The following MAF variants were observed in gnomAD, a reference collection of about 807,000 sequenced individuals.
MAF encodes transcription factor Maf.
A neutral mutation model predicts 22.0 loss-of-function variants in MAF; 10 were observed. That is an observed-to-expected ratio of 0.45 (90% CI 0.28 to 0.77). The LOEUF (loss-of-function observed/expected upper bound fraction) is 0.77. Ranked by LOEUF, MAF falls within the 30% of genes least tolerant of loss-of-function variation. MAF has a pLI of 0.12. For missense variants in MAF, 544 were observed against 548.4 expected (o/e 0.99, Z 0.08); for synonymous variants, 337 against 255.8 (o/e 1.32, Z -3.03).
Position 79,599,279 on chromosome 16 carries a change from G to C in MAF, c.624C>G (p.Ala208=). The change falls in exon 1 of 2, where the codon GCC becomes GCG. Residue 208 remains alanine, a synonymous_variant. Transcript: ENST00000326043. ...CCGCGCCCCCAGCGCCACCGGCCGA[G>C]GCGGCCGCGCTGCCCGCGGCGCCGG... ...GAPGAAGSAA[A]SAGGAGGAGG... is the part of the protein sequence containing the mutation. The C allele has an allele frequency of 2.0e-6, 2 of 978,808 alleles. No individual in the cohort carries two copies. The highest frequency in any genetic ancestry group is 1.2e-6 in the Non-Finnish European group (1 of 827,454). The allele number at this position is 978,808 out of a possible 1,614,324, so 60.6% of individuals were successfully genotyped here. A position where few individuals can be genotyped will look rare whatever the true frequency, so the allele number is the denominator to read the frequency against.
the MAF span, among the ~76,000 whole-genome samples, chr16:79,474,104 G>T: frequency 6.6e-6 from 1 of 152,084 alleles, no homozygotes; most frequent in African/African-American, 2.4e-5. Flanking sequence ...GGGAGAGGAA[G>T]AAATGATGAG....
At chr16:79,346,755 A>G in the MAF span, among the ~76,000 whole-genome samples, 1 of 152,336 alleles carries the variant, frequency 6.6e-6, no homozygotes, top group Non-Finnish European at 1.5e-5. Flanking sequence ...ACTGAAAACA[A>G]CAAGAACTTG....
At chr16:79,536,846 A>G in the MAF span, among the ~76,000 whole-genome samples, 12 of 152,324 alleles carry the variant, frequency 7.9e-5, no homozygotes, top group Middle Eastern at 6.8e-3. Context: ...TGTAAGTTAT[A>G]TGCAAATCCT....
At chr16:79,292,505 G>T in the MAF span, among the ~76,000 whole-genome samples, 5 of 152,184 alleles carry the variant, frequency 3.3e-5, no homozygotes, top group Non-Finnish European at 7.3e-5. Flanking sequence ...CTCAGTTGTG[G>T]TACTTGGTTG....
chr16:79,472,048 G>C, the MAF span, among the ~76,000 whole-genome samples: 2 of 152,082 alleles, frequency 1.3e-5, no homozygotes, highest in Admixed American at 1.3e-4. Flanking sequence ...CTTGGCTTCA[G>C]CCTGACCTCT....
chr16:79,574,239 C>G, the MAF span, among the ~76,000 whole-genome samples: 35 of 152,312 alleles, frequency 2.3e-4, no homozygotes, highest in African/African-American at 7.9e-4. Flanking sequence ...AGTGTGCGAT[C>G]AAGTATCTTG....
At chr16:79,404,585 A>C in the MAF span, among the ~76,000 whole-genome samples, 1 of 152,196 alleles carries the variant, frequency 6.6e-6, no homozygotes, top group Non-Finnish European at 1.5e-5. Context: ...CCGCAGAGTC[A>C]ATGAATGACA....
chr16:79,548,435 C>G, the MAF span, among the ~76,000 whole-genome samples: 2 of 151,990 alleles, frequency 1.3e-5, no homozygotes, highest in Non-Finnish European at 2.9e-5. Flanking sequence ...TAAGATATAA[C>G]AAGGAAAAAA....
the MAF span, among the ~76,000 whole-genome samples, chr16:79,216,379 A>T: frequency 6.6e-6 from 1 of 152,262 alleles, no homozygotes; most frequent in South Asian, 2.1e-4. Context: ...ACATATATGT[A>T]TACAGATGAT....
the MAF span, among the ~76,000 whole-genome samples, chr16:79,388,773 T>A: frequency 6.6e-6 from 1 of 152,240 alleles, no homozygotes; most frequent in Non-Finnish European, 1.5e-5. Flanking sequence ...ATTAGCACCA[T>A]TGCATTAGCC....
At chr16:79,376,625 C>T in the MAF span, among the ~76,000 whole-genome samples, 10 of 152,042 alleles carry the variant, frequency 6.6e-5, no homozygotes, top group African/African-American at 2.4e-4. Flanking sequence ...TTGCTGCACC[C>T]ATTAACTCGT....
At chr16:79,597,977 C>A (rs1293299030) in intron 1 of MAF, 2 of 1,043,742 alleles carry the variant, frequency 1.9e-6, no homozygotes, top group Non-Finnish European at 2.3e-6. Flanking sequence ...CAAGTCACAC[C>A]CAGAAGGTTG....
At chr16:79,261,005 T>C in the MAF span, among the ~76,000 whole-genome samples, 11 of 152,088 alleles carry the variant, frequency 7.2e-5, no homozygotes, top group South Asian at 6.2e-4. Flanking sequence ...GGCTGTTCCA[T>C]TGGTCCAAGG....
At chr16:79,307,806 G>A in the MAF span, among the ~76,000 whole-genome samples, 7 of 152,304 alleles carry the variant, frequency 4.6e-5, no homozygotes, top group South Asian at 1.5e-3. Flanking sequence ...GTGCTAGAAT[G>A]ACAGTCACTG....
chr16:79,227,454 G>A, the MAF span, among the ~76,000 whole-genome samples: 23 of 152,242 alleles, frequency 1.5e-4, no homozygotes, highest in African/African-American at 3.9e-4. Flanking sequence ...GGCCAGGTCA[G>A]TATTCAACAA....
the MAF span, among the ~76,000 whole-genome samples, chr16:79,561,018 G>A: frequency 7.2e-5 from 11 of 152,278 alleles, no homozygotes; most frequent in African/African-American, 2.4e-4. Flanking sequence ...CTGTCCTGCC[G>A]TCTACAGCTG....
chr16:79,491,123 G>C, the MAF span, among the ~76,000 whole-genome samples: 1 of 152,192 alleles, frequency 6.6e-6, no homozygotes, highest in Non-Finnish European at 1.5e-5. Flanking sequence ...TTCGAGATAG[G>C]ATGGGGTTAT....
chr16:79,232,953 G>A, the MAF span, among the ~76,000 whole-genome samples: 1 of 147,918 alleles, frequency 6.8e-6, no homozygotes, highest in Admixed American at 7.0e-5. Flanking sequence ...CCATTCTCCT[G>A]CCTCAGCCTC....
chr16:79,413,728 C>T, the MAF span, among the ~76,000 whole-genome samples: 2 of 152,126 alleles, frequency 1.3e-5, no homozygotes, highest in Non-Finnish European at 2.9e-5. Flanking sequence ...AGGAAATACT[C>T]GAGTAATATT....
Sources: gnomAD v4.1 joint callset for allele counts (sites outside exome capture counted in the v4.1 genomes callset) on GRCh38, gnomAD v4.1.1 for gene constraint, MANE v1.5 for transcripts, NCBI Gene and HGNC (gene_info 2026-07-23, HGNC 2026-07-21) for gene names.